The following FRMD4A variants were observed in gnomAD, a reference collection of about 807,000 sequenced individuals.
The protein encoded by FRMD4A is FERM domain containing 4A, also known as FERM domain-containing protein 4A.
In FRMD4A, 29 loss-of-function variants were observed where a neutral mutation model predicts 129.1. The ratio of observed to expected loss-of-function variants is 0.22; its 90% CI spans 0.17 to 0.31. FRMD4A has a LOEUF of 0.31. Ranked by LOEUF, FRMD4A falls within the 10% of genes least tolerant of loss-of-function variation. The pLI is 1.00. For missense variants in FRMD4A, 1,272 were observed against 1,375.8 expected (o/e 0.92, Z 1.19); for synonymous variants, 634 against 571.6 (o/e 1.11, Z -1.56).
At chr10:13,699,232 T>TTTG (rs1301170880) in intron 14 of FRMD4A, among the ~76,000 whole-genome samples, 2 of 115,208 alleles carry the variant, frequency 1.7e-5, no homozygotes, top group African/African-American at 3.0e-5. Context: ...TTGTTTTTTT[T>TTTG]TTTTTTTTTT....
At chr10:13,943,678 A>G (rs2131315839) in intron 2 of FRMD4A, among the ~76,000 whole-genome samples, 1 of 137,908 alleles carries the variant, frequency 7.3e-6, no homozygotes, top group South Asian at 2.4e-4. Flanking sequence ...AAAAAAAAAA[A>G]AGAAAAAGAA....
intron 15 of FRMD4A, among the ~76,000 whole-genome samples, chr10:13,691,844 C>G (rs1156922637): frequency 6.6e-6 from 1 of 152,152 alleles, no homozygotes; most frequent in Non-Finnish European, 1.5e-5. Context: ...AAAACACAAA[C>G]AAGGTGTTGG....
chr10:14,010,616 A>G (rs964781262), intron 2 of FRMD4A, among the ~76,000 whole-genome samples: 1 of 143,206 alleles, frequency 7.0e-6, no homozygotes, highest in Non-Finnish European at 1.5e-5. Flanking sequence ...TTGTCTTGCC[A>G]TGGGTGTCGG....
intron 3 of FRMD4A, among the ~76,000 whole-genome samples, chr10:13,843,674 T>C (rs1266962670): frequency 6.6e-6 from 1 of 152,120 alleles, no homozygotes; most frequent in Non-Finnish European, 1.5e-5. Flanking sequence ...AGTTTTGTAT[T>C]TTTAGTAGAG....
chr10:13,808,301 T>G (rs531464161), intron 4 of FRMD4A, among the ~76,000 whole-genome samples: 1 of 152,218 alleles, frequency 6.6e-6, no homozygotes, highest in Non-Finnish European at 1.5e-5. Context: ...AAACACACAG[T>G]GTAGCACCTG....
At chr10:13,947,040 G>A (rs2095337188) in intron 2 of FRMD4A, among the ~76,000 whole-genome samples, 1 of 152,144 alleles carries the variant, frequency 6.6e-6, no homozygotes, top group Non-Finnish European at 1.5e-5. Context: ...GGTTATGTAA[G>A]GTCATCACAG....
intron 2 of FRMD4A, among the ~76,000 whole-genome samples, chr10:14,164,390 C>T (rs1276530243): frequency 2.6e-5 from 4 of 152,180 alleles, no homozygotes; most frequent in Non-Finnish European, 4.4e-5. Flanking sequence ...TGGCAATGAG[C>T]CCCAGGTCCT....
intron 2 of FRMD4A, among the ~76,000 whole-genome samples, chr10:14,005,169 C>T (rs1466472895): frequency 1.3e-5 from 2 of 152,036 alleles, no homozygotes; most frequent in Non-Finnish European, 2.9e-5. Flanking sequence ...ATTATAAGCG[C>T]ATACCACCAC....
chr10:13,932,115 C>T (rs1012279077), intron 2 of FRMD4A, among the ~76,000 whole-genome samples: 1 of 152,168 alleles, frequency 6.6e-6, no homozygotes, highest in African/African-American at 2.4e-5. Context: ...TCTATTGCTC[C>T]CTGAGAAAAC....
At chr10:14,115,934 A>G (rs1310972401) in intron 2 of FRMD4A, among the ~76,000 whole-genome samples, 4 of 152,236 alleles carry the variant, frequency 2.6e-5, no homozygotes, top group Non-Finnish European at 4.4e-5. Flanking sequence ...TTGGAAGCCC[A>G]CACCCTTAAC....
intron 2 of FRMD4A, among the ~76,000 whole-genome samples, chr10:14,103,941 G>A (rs113630022): frequency 6.7e-4 from 102 of 152,250 alleles, no homozygotes; most frequent in Admixed American, 8.5e-4. Flanking sequence ...ATTACGTACC[G>A]TCAGCGATTC....
At chr10:13,850,493 C>T (rs575078479) in intron 3 of FRMD4A, among the ~76,000 whole-genome samples, 26 of 152,270 alleles carry the variant, frequency 1.7e-4, no homozygotes, top group African/African-American at 4.8e-4. Flanking sequence ...TTACGCAGGA[C>T]GCACAAGTCC....
At chr10:14,078,122 C>T (rs186636053) in intron 2 of FRMD4A, among the ~76,000 whole-genome samples, 6 of 152,278 alleles carry the variant, frequency 3.9e-5, no homozygotes, top group African/African-American at 7.2e-5. Context: ...TTGCAAGGGA[C>T]CACTTTGATG....
At chr10:13,890,770 TCTC>T (rs2094686163) in intron 2 of FRMD4A, 2 of 985,356 alleles carry the variant, frequency 2.0e-6, no homozygotes, top group African/African-American at 3.5e-5. Flanking sequence ...GGTTCTCGTT[TCTC>T]AGCAAGCTGC....
chr10:14,114,480 A>T (rs1838095542), intron 2 of FRMD4A, among the ~76,000 whole-genome samples: 1 of 152,198 alleles, frequency 6.6e-6, no homozygotes, highest in Admixed American at 6.5e-5. Context: ...TTTAGCCATA[A>T]TTCTAATAAG....
chr10:13,880,836 C>T (rs527361947), intron 2 of FRMD4A, among the ~76,000 whole-genome samples: 23 of 152,150 alleles, frequency 1.5e-4, no homozygotes, highest in African/African-American at 5.3e-4. Flanking sequence ...TTCCCTTCCT[C>T]TGCTTTGTTT....
At chr10:13,658,610 G>A (rs2082375791) in intron 21 of FRMD4A, among the ~76,000 whole-genome samples, 1 of 152,180 alleles carries the variant, frequency 6.6e-6, no homozygotes, top group Non-Finnish European at 1.5e-5. Flanking sequence ...GCTAGGAGCG[G>A]TGGCTCACGT....
Position 13,657,144 on chromosome 10 carries a change from G to GCCC in FRMD4A, c.2442_2444dup (p.Gly815dup). 1 of 1,380,534 alleles carries GCCC rather than the reference G, an allele frequency of 7.2e-7. No individual in the cohort carries two copies. Among genetic ancestry groups the GCCC allele is most frequent in the Non-Finnish European group, 9.6e-7 (1 of 1,039,100 alleles). 85.5% of individuals were successfully genotyped at this position (1,380,534 alleles called of 1,614,324 possible). A position where few individuals can be genotyped will look rare whatever the true frequency, so the allele number is the denominator to read the frequency against. On this transcript the variant is annotated inframe_insertion, in exon 22 of 25. Transcript: ENST00000357447. The stretch of plus-strand genomic sequence containing the variant: ...TGTGCAGGTACACACCGCCCCCCGC[G>GCCC]CCCCCCGCGCCCCCCGCACCCCCGC...
At chr10:14,202,855 C>T (rs1842679986) in intron 2 of FRMD4A, among the ~76,000 whole-genome samples, 2 of 152,162 alleles carry the variant, frequency 1.3e-5, no homozygotes, top group South Asian at 4.1e-4. Flanking sequence ...TCAATGTAAC[C>T]TTGACCTCCC....
Sources: gnomAD v4.1 joint callset for allele counts (sites outside exome capture counted in the v4.1 genomes callset) on GRCh38, gnomAD v4.1.1 for gene constraint, MANE v1.5 for transcripts, NCBI Gene and HGNC (gene_info 2026-07-23, HGNC 2026-07-21) for gene names.